Variants in FMN1 observed in about 807,000 individuals in gnomAD.
The protein encoded by FMN1 is formin-1.
FMN1 carries 110 observed loss-of-function variants against 132.4 expected under a neutral mutation model. The ratio of observed to expected loss-of-function variants is 0.83; its 90% CI spans 0.71 to 0.97. The LOEUF (loss-of-function observed/expected upper bound fraction) is 0.97, where lower values mean the gene tolerates loss of function less well. Ranked by LOEUF, FMN1 falls within the 50% of genes least tolerant of loss-of-function variation. The probability of loss-of-function intolerance (pLI) is 0.00; values close to 1 mark genes in which losing one functional copy is unlikely to be tolerated. For missense variants in FMN1, 1,792 were observed against 1,705.3 expected (o/e 1.05, Z -0.90); for synonymous variants, 722 against 651.7 (o/e 1.11, Z -1.64).
intron 18 of FMN1, among the ~76,000 whole-genome samples, chr15:32,799,822 C>G (rs374718327): frequency 1.1e-3 from 166 of 152,300 alleles, no homozygotes; most frequent in African/African-American, 3.9e-3. Context: ...CCCCTCACCC[C>G]CACCTACCCC....
intron 9 of FMN1, among the ~76,000 whole-genome samples, chr15:32,941,636 G>T (rs1346492588): frequency 6.6e-6 from 1 of 152,064 alleles, no homozygotes; most frequent in African/African-American, 2.4e-5. Context: ...TACCTGATGT[G>T]TAATAATCCT....
At chr15:32,939,354 G>C (rs528847310) in intron 9 of FMN1, among the ~76,000 whole-genome samples, 2 of 151,904 alleles carry the variant, frequency 1.3e-5, no homozygotes, top group Admixed American at 6.6e-5. Flanking sequence ...AGAGTAGTGA[G>C]GAAGAAAATA....
intron 19 of FMN1, among the ~76,000 whole-genome samples, chr15:32,794,815 G>A (rs12148371): frequency 0.19 from 28,628 of 152,148 alleles, 3,463 homozygotes; most frequent in Admixed American, 0.27. Flanking sequence ...CTTGGATTAT[G>A]ATACATCGTA....
At chr15:32,897,622 T>C (rs1227539384) in intron 15 of FMN1, among the ~76,000 whole-genome samples, 5 of 152,304 alleles carry the variant, frequency 3.3e-5, no homozygotes, top group Non-Finnish European at 5.9e-5. Context: ...TTGTAAAAGA[T>C]TGGAATTAAA....
chr15:33,024,998 T>C (rs2035600026), intron 6 of FMN1, among the ~76,000 whole-genome samples: 1 of 152,168 alleles, frequency 6.6e-6, no homozygotes, highest in African/African-American at 2.4e-5. Context: ...TGTAGACTCA[T>C]GAAATACATA....
Position 33,149,892 on chromosome 15 carries a change from G to GT in FMN1, c.1867+3155dup, listed in dbSNP as rs372210554. 2.5e-3 allele frequency: 2,427 copies of GT among 983,960 alleles called. 46 individuals are homozygous for GT. In the African/African-American group the frequency reaches 0.038, roughly 16 times the overall value. 61.0% of individuals were successfully genotyped at this position (983,960 alleles called of 1,614,324 possible). A position where few individuals can be genotyped will look rare whatever the true frequency, so the allele number is the denominator to read the frequency against. On this transcript the variant is annotated intron_variant, in intron 4 of 20. Transcript: ENST00000616417. ...CACAGAGACAATCAAAGCTTTGACA[G>GT]TAGTATTAGGGGTTTACACATGTAA...
chr15:32,860,858 A>G (rs532194009), intron 16 of FMN1: 173 of 152,304 alleles, frequency 1.1e-3, no homozygotes, highest in African/African-American at 4.0e-3. Flanking sequence ...AGAAATGTCC[A>G]CCACCTCATC....
Position 33,088,968 on chromosome 15 carries a change from G to C in FMN1, c.1874C>G (p.Ser625Cys), listed in dbSNP as rs1480617698. Residue 625 changes from serine (S) to cysteine (C), a missense_variant, in exon 5 of 21, where the codon TCC becomes TGC. Ser to Cys is a moderately radical substitution (Grantham distance 112). Transcript: ENST00000616417. ...EPQHQSPPGI[S>C]SEGFPWDGFN... ...GCCGTCCCAGGGAAAGCCCTCAGAG[G>C]AGATACCTAAACAAACACAGAGAAG... is the stretch of plus-strand genomic sequence containing the variant. The C allele has an allele frequency of 9.8e-6, 15 of 1,533,316 alleles. No individual in the cohort carries two copies. The highest frequency in any genetic ancestry group is 1.3e-5 in the Non-Finnish European group (15 of 1,146,106). The allele number at this position is 1,533,316 out of a possible 1,614,324, so 95.0% of individuals were successfully genotyped here.
At chr15:32,909,504 A>T (rs548841689) in intron 11 of FMN1, among the ~76,000 whole-genome samples, 1 of 152,374 alleles carries the variant, frequency 6.6e-6, no homozygotes, top group Non-Finnish European at 1.5e-5. Flanking sequence ...GGAATTGGTG[A>T]TGCCACCAAG....
intron 17 of FMN1, among the ~76,000 whole-genome samples, chr15:32,844,497 A>G (rs913072271): frequency 3.9e-5 from 6 of 152,224 alleles, no homozygotes; most frequent in South Asian, 2.1e-4. Flanking sequence ...ATCCCTTATA[A>G]AAGTTCCATG....
At chr15:32,882,575 TAAA>T (rs904663268) in intron 16 of FMN1, among the ~76,000 whole-genome samples, 5 of 152,280 alleles carry the variant, frequency 3.3e-5, no homozygotes, top group Admixed American at 2.6e-4. Context: ...ATAATGATAA[TAAA>T]AAACGAACTG....
At chr15:32,782,848 CAGCAACATAGATGG>C (rs1398319263) in intron 19 of FMN1, among the ~76,000 whole-genome samples, 1 of 152,172 alleles carries the variant, frequency 6.6e-6, no homozygotes, top group African/African-American at 2.4e-5. Context: ...ACGTCCATTG[CAGCAACATAGATGG>C]AGCTGCAGAT....
chr15:33,055,477 T>C (rs1473644561), intron 6 of FMN1, among the ~76,000 whole-genome samples: 1 of 152,184 alleles, frequency 6.6e-6, no homozygotes, highest in Non-Finnish European at 1.5e-5. Context: ...AGTGTGAAAC[T>C]GGTACAAGGC....
chr15:32,812,425 TATACATAATGTA>T (rs1156310499), intron 17 of FMN1, among the ~76,000 whole-genome samples: 1 of 152,222 alleles, frequency 6.6e-6, no homozygotes, highest in Non-Finnish European at 1.5e-5. Flanking sequence ...GATACTTGCA[TATACATAATGTA>T]ATACATTGGG....
At chr15:32,988,228 A>T (rs2033206315) in intron 7 of FMN1, among the ~76,000 whole-genome samples, 1 of 152,094 alleles carries the variant, frequency 6.6e-6, no homozygotes, top group Non-Finnish European at 1.5e-5. Context: ...AAAATAATCT[A>T]CCAAGCTCCT....
intron 16 of FMN1, among the ~76,000 whole-genome samples, chr15:32,858,094 G>C (rs1483813579): frequency 6.6e-6 from 1 of 152,184 alleles, no homozygotes; most frequent in Non-Finnish European, 1.5e-5. Flanking sequence ...ACAAAATAGA[G>C]AAACATATAC....
chr15:33,001,681 T>TCC (rs1415121226), intron 7 of FMN1, among the ~76,000 whole-genome samples: 1 of 122,598 alleles, frequency 8.2e-6, no homozygotes, highest in East Asian at 2.7e-4. Context: ...TTCCTCCTCC[T>TCC]CCCCCTCCCC....
At chr15:33,027,715 G>C (rs754284515) in intron 6 of FMN1, among the ~76,000 whole-genome samples, 3 of 152,102 alleles carry the variant, frequency 2.0e-5, no homozygotes, top group Non-Finnish European at 4.4e-5. Context: ...AGTGTTCAAA[G>C]TGAACGGGAT....
At chr15:33,028,604 C>T (rs368331899) in intron 6 of FMN1, among the ~76,000 whole-genome samples, 1 of 152,116 alleles carries the variant, frequency 6.6e-6, no homozygotes, top group Non-Finnish European at 1.5e-5. Flanking sequence ...ACTGGCAAAA[C>T]TCAAGATAAT....
Sources: gnomAD v4.1 joint callset for allele counts (sites outside exome capture counted in the v4.1 genomes callset) on GRCh38, gnomAD v4.1.1 for gene constraint, MANE v1.5 for transcripts, NCBI Gene and HGNC (gene_info 2026-07-23, HGNC 2026-07-21) for gene names.